The following DTNB variants were observed in gnomAD, a reference collection of about 807,000 sequenced individuals.
DTNB encodes the protein dystrobrevin beta.
A neutral mutation model predicts 90.7 loss-of-function variants in DTNB; 63 were observed. That is an observed-to-expected ratio of 0.69 (90% CI 0.57 to 0.86). The LOEUF is 0.86. DTNB is among the 40% of genes least tolerant of loss of function. The pLI, the probability that DTNB is intolerant of heterozygous loss-of-function variation, is 0.00. For synonymous variants in DTNB, 277 were observed against 286.7 expected, an observed-to-expected ratio of 0.97 and a Z score of 0.34; for missense variants, 744 against 807.1, an observed-to-expected ratio of 0.92 and a Z score of 0.95.
intron 10 of DTNB, among the ~76,000 whole-genome samples, chr2:25,456,463 C>T (rs1476345892): frequency 6.6e-6 from 1 of 152,200 alleles, no homozygotes; most frequent in Non-Finnish European, 1.5e-5. Context: ...TAAAAAATGT[C>T]CATTTACAAT....
At chr2:25,642,817 G>A (rs998245875) in intron 2 of DTNB, among the ~76,000 whole-genome samples, 3 of 151,552 alleles carry the variant, frequency 2.0e-5, no homozygotes, top group Admixed American at 1.3e-4. Context: ...GCAGTGGCGC[G>A]ATCTCAGCTC....
intron 16 of DTNB, among the ~76,000 whole-genome samples, chr2:25,416,040 TTGG>T (rs2047839059): frequency 1.3e-5 from 2 of 152,194 alleles, no homozygotes; most frequent in African/African-American, 4.8e-5. Context: ...CTACTTGTGA[TTGG>T]TGTCTGAAGT....
chr2:25,548,577 G>C (rs542656947), intron 8 of DTNB, among the ~76,000 whole-genome samples: 9 of 152,238 alleles, frequency 5.9e-5, no homozygotes, highest in Non-Finnish European at 1.3e-4. Flanking sequence ...TAAAATGCAA[G>C]TTTGCCTGGT....
Position 25,432,952 on chromosome 2 carries a change from G to T in DTNB, c.1391C>A (p.Ala464Asp). The T allele has an allele frequency of 6.2e-7, 1 of 1,611,144 alleles. No homozygotes were observed. The change falls in exon 14 of 21, where the codon GCC becomes GAC. Residue 464 changes from alanine to aspartate, a missense_variant. Ala to Asp is a moderately radical substitution (Grantham distance 126). Transcript: ENST00000406818. ...TGCCTTCTCAGGGGTGGGCTGGGAG[G>T]CCTGCTCGTGTTCCAGGCGGAGACG... ...IQRLRLEHEQ[A>D]SQPTPEKAQQ...
chr2:25,499,178 T>C (rs1295204588), intron 9 of DTNB, among the ~76,000 whole-genome samples: 1 of 131,536 alleles, frequency 7.6e-6, no homozygotes, highest in Non-Finnish European at 1.6e-5. Flanking sequence ...GATCGTGTCA[T>C]TGCAAAAAAA....
At chr2:25,614,367 G>C (rs912359805) in intron 4 of DTNB, among the ~76,000 whole-genome samples, 1 of 152,050 alleles carries the variant, frequency 6.6e-6, no homozygotes, top group Admixed American at 6.6e-5. Flanking sequence ...AAACACATTA[G>C]AAGTAAAGAA....
chr2:25,443,471 C>T (rs752032867), intron 12 of DTNB, among the ~76,000 whole-genome samples: 17 of 152,226 alleles, frequency 1.1e-4, no homozygotes, highest in South Asian at 6.2e-4. Flanking sequence ...AGTCAGCAAA[C>T]GGTAATCCAG....
chr2:25,630,776 G>A lies in DTNB; in HGVS notation c.149-2392C>T, dbSNP rs552021550. Among the ~76,000 whole-genome samples, 15 of 147,708 alleles carry A rather than the reference G, an allele frequency of 1.0e-4. 1 individual carries two copies. The East Asian group carries it at 1.7e-3, about 17-fold the overall frequency. The stretch of plus-strand genomic sequence containing the variant: ...GGAAAATCGCTTAAACCTGGGAGGC[G>A]GAGCTTGCAGTGAGCCAAGATTACA... On this transcript the variant is annotated intron_variant, in intron 3 of 20. Coordinates refer to ENST00000406818, the MANE Select transcript of DTNB (RefSeq NM_021907.5).
intron 11 of DTNB, among the ~76,000 whole-genome samples, chr2:25,454,364 C>G (rs542687233): frequency 5.9e-5 from 9 of 152,260 alleles, no homozygotes; most frequent in African/African-American, 2.2e-4. Context: ...TCAGATGACC[C>G]TCCCAAGGAG....
chr2:25,486,801 T>A (rs572896667), intron 9 of DTNB, among the ~76,000 whole-genome samples: 3 of 152,278 alleles, frequency 2.0e-5, no homozygotes, highest in African/African-American at 7.2e-5. Flanking sequence ...TGGCACAACA[T>A]TAGATTGGTT....
At chr2:25,461,669 G>A (rs1474889304) in intron 10 of DTNB, among the ~76,000 whole-genome samples, 4 of 152,122 alleles carry the variant, frequency 2.6e-5, no homozygotes, top group Non-Finnish European at 4.4e-5. Flanking sequence ...AACAATGTAC[G>A]GAGCACCTAC....
chr2:25,498,286 G>A (rs1011608365), intron 9 of DTNB, among the ~76,000 whole-genome samples: 1 of 152,174 alleles, frequency 6.6e-6, no homozygotes, highest in Non-Finnish European at 1.5e-5. Context: ...ATGAAGAAGT[G>A]AGAAAAGCCA....
chr2:25,462,764 C>T lies in DTNB; in HGVS notation c.1080-7270G>A, dbSNP rs1034491736. On this transcript the variant is annotated intron_variant, in intron 10 of 20. Transcript: ENST00000406818. ...TGTCGCCCAGACTGGAGTGCAGTGGCGGGATCTCGGCTCACTGCAAGCTCC... is the reference window on the plus strand; with the variant it reads ...TGTCGCCCAGACTGGAGTGCAGTGGTGGGATCTCGGCTCACTGCAAGCTCC... Among the ~76,000 whole-genome samples, 6 of 151,536 alleles carry T rather than the reference C, an allele frequency of 4.0e-5. No individual in the cohort carries two copies. The South Asian group carries it at 6.3e-4, about 16-fold the overall frequency.
chr2:25,508,318 A>T (rs2150649375), intron 9 of DTNB, among the ~76,000 whole-genome samples: 2 of 152,328 alleles, frequency 1.3e-5, no homozygotes. Flanking sequence ...AGACAAAAGC[A>T]GGAATCAGTA....
chr2:25,617,042 C>G (rs1377783), intron 4 of DTNB, among the ~76,000 whole-genome samples: 38,630 of 151,482 alleles, frequency 0.26, 5,934 homozygotes, highest in Non-Finnish European at 0.35. Flanking sequence ...ACTGTTTAAC[C>G]ATTTTTCTTA....
At chr2:25,562,204 C>CT (rs2058373780) in intron 8 of DTNB, among the ~76,000 whole-genome samples, 1 of 152,140 alleles carries the variant, frequency 6.6e-6, no homozygotes, top group African/African-American at 2.4e-5. Context: ...CATTTTGTGT[C>CT]TGACTTTTTC....
rs1165535825 is a variant in DTNB at position 25,482,801 on chromosome 2, G to A, written c.1074C>T (p.Thr358=). ...SHMSSGVPTP[T]KRLQYSQDIP... is the part of the protein sequence containing the mutation. Reference sequence around the variant, plus strand: ...AAGGCACAAGACATACGTACCTCTTGGTGGGAGTGGGCACTCCAGAGGACA... The same window carrying A: ...AAGGCACAAGACATACGTACCTCTTAGTGGGAGTGGGCACTCCAGAGGACA... Residue 358 remains threonine, a synonymous_variant, in exon 10 of 21, where the codon ACC becomes ACT. Transcript: ENST00000406818. The A allele has an allele frequency of 1.9e-6, 3 of 1,613,530 alleles. No individual in the cohort carries two copies. The highest frequency in any genetic ancestry group is 2.7e-5 in the African/African-American group (2 of 74,856).
chr2:25,410,830 C>T (rs1282742696), intron 16 of DTNB, among the ~76,000 whole-genome samples: 2 of 152,044 alleles, frequency 1.3e-5, no homozygotes, highest in Non-Finnish European at 2.9e-5. Flanking sequence ...TTTTTTAAAA[C>T]GTATCTGGCC....
At chr2:25,509,642 A>G (rs193048354) in intron 9 of DTNB, among the ~76,000 whole-genome samples, 2 of 150,552 alleles carry the variant, frequency 1.3e-5, no homozygotes, top group Admixed American at 6.6e-5. Flanking sequence ...GAAATTGTCA[A>G]TTCTTTGTAA....
Sources: gnomAD v4.1 joint callset for allele counts (sites outside exome capture counted in the v4.1 genomes callset) on GRCh38, gnomAD v4.1.1 for gene constraint, MANE v1.5 for transcripts, NCBI Gene and HGNC (gene_info 2026-07-23, HGNC 2026-07-21) for gene names.